UNC5C: variants seen among roughly 807,000 people sequenced by gnomAD.
UNC5C encodes the protein unc-5 netrin receptor C.
A neutral mutation model predicts 99.8 loss-of-function variants in UNC5C; 47 were observed. The observed-to-expected ratio is 0.47, with a 90% CI of 0.37 to 0.60. UNC5C has a LOEUF of 0.60. UNC5C is among the 20% of genes least tolerant of loss of function. UNC5C has a pLI of 0.00. For synonymous variants in UNC5C, 487 were observed against 452.2 expected (o/e 1.08, Z -0.98); for missense variants, 1,062 against 1,165.9 (o/e 0.91, Z 1.30).
intron 1 of UNC5C, among the ~76,000 whole-genome samples, chr4:95,386,614 T>A (rs995086788): frequency 1.3e-5 from 2 of 152,178 alleles, no homozygotes; most frequent in Admixed American, 1.3e-4. Flanking sequence ...ATCCAATGCT[T>A]GTTTAATCCT....
At chr4:95,286,084 T>C (rs949294982) in intron 3 of UNC5C, among the ~76,000 whole-genome samples, 1 of 152,206 alleles carries the variant, frequency 6.6e-6, no homozygotes, top group East Asian at 1.9e-4. Flanking sequence ...TCTAAGCACA[T>C]GCCTAGCATA....
intron 1 of UNC5C, among the ~76,000 whole-genome samples, chr4:95,492,678 T>C (rs1478844285): frequency 6.6e-6 from 1 of 151,546 alleles, no homozygotes; most frequent in Non-Finnish European, 1.5e-5. Flanking sequence ...TCACCTTTAA[T>C]GGAGATTAAG....
chr4:95,309,090 A>T (rs1034530841), intron 2 of UNC5C, among the ~76,000 whole-genome samples: 1 of 152,144 alleles, frequency 6.6e-6, no homozygotes, highest in East Asian at 1.9e-4. Flanking sequence ...AGACACACAG[A>T]CCAATGGAAC....
Position 95,245,164 on chromosome 4 carries a change from A to G in UNC5C, c.776-20T>C, listed in dbSNP as rs1294326701. ...CGTTGACTGAAAGGAGGCAAACAGT[A>G]AAAAGTGGATTAAACATGTGTGCAT... On this transcript the variant is annotated intron_variant, in intron 5 of 15. Transcript: ENST00000453304. 6.2e-7 allele frequency: 1 copy of G among 1,606,682 alleles called. No individual in the cohort carries two copies. The highest frequency in any genetic ancestry group is 8.5e-7 in the Non-Finnish European group (1 of 1,177,570).
At chr4:95,352,247 T>C (rs1427248168) in intron 1 of UNC5C, among the ~76,000 whole-genome samples, 1 of 152,164 alleles carries the variant, frequency 6.6e-6, no homozygotes, top group Non-Finnish European at 1.5e-5. Context: ...TTCAAGGCCA[T>C]GCTCCAGACA....
At chr4:95,357,287 C>T (rs900777097) in intron 1 of UNC5C, among the ~76,000 whole-genome samples, 28 of 152,060 alleles carry the variant, frequency 1.8e-4, no homozygotes, top group African/African-American at 6.5e-4. Context: ...CAGGCATGTG[C>T]CACTGCACCC....
At chr4:95,295,883 G>A (rs1324729044) in intron 3 of UNC5C, among the ~76,000 whole-genome samples, 3 of 152,098 alleles carry the variant, frequency 2.0e-5, no homozygotes, top group African/African-American at 2.4e-5. Flanking sequence ...TCACCAGTTC[G>A]AGACCAGCCT....
At chr4:95,448,781 G>A (rs1560837126) in intron 1 of UNC5C, among the ~76,000 whole-genome samples, 1 of 152,154 alleles carries the variant, frequency 6.6e-6, no homozygotes, top group South Asian at 2.1e-4. Flanking sequence ...TCTAAGTAAT[G>A]GATACACTCT....
intron 2 of UNC5C, among the ~76,000 whole-genome samples, chr4:95,308,527 C>T (rs1742142593): frequency 2.0e-5 from 3 of 151,566 alleles, no homozygotes; most frequent in Admixed American, 1.3e-4. Flanking sequence ...CTGAGGCGGG[C>T]AGATCACCTG....
intron 14 of UNC5C, among the ~76,000 whole-genome samples, chr4:95,178,958 T>TTACA (rs1421326753): frequency 6.6e-6 from 1 of 152,226 alleles, no homozygotes; most frequent in East Asian, 1.9e-4. Flanking sequence ...GTTTATACAT[T>TTACA]TACATTTCAT....
At chr4:95,332,045 A>G (rs58661242) in intron 2 of UNC5C, among the ~76,000 whole-genome samples, 58,894 of 151,460 alleles carry the variant, frequency 0.39, 13,278 homozygotes, top group East Asian at 0.83. Context: ...GGAGAACTAC[A>G]AACCACTGCT....
At chr4:95,487,003 C>T (rs920557459) in intron 1 of UNC5C, among the ~76,000 whole-genome samples, 1 of 151,668 alleles carries the variant, frequency 6.6e-6, no homozygotes, top group Non-Finnish European at 1.5e-5. Context: ...TGCTCTTTCT[C>T]GCTCACTCTT....
intron 4 of UNC5C, among the ~76,000 whole-genome samples, chr4:95,274,598 C>T (rs1266819122): frequency 6.6e-6 from 1 of 152,132 alleles, no homozygotes; most frequent in Non-Finnish European, 1.5e-5. Flanking sequence ...CTTTGTCACA[C>T]TCTTTCCCTG....
intron 14 of UNC5C, among the ~76,000 whole-genome samples, chr4:95,172,568 C>T (rs1315222563): frequency 6.6e-6 from 1 of 151,754 alleles, no homozygotes; most frequent in African/African-American, 2.4e-5. Context: ...GGCGTTATTT[C>T]TGAGGGCTCT....
At chr4:95,301,901 G>T (rs918793326) in intron 2 of UNC5C, 152 bp from the exon 3 acceptor site, 1 of 1,044,564 alleles carries the variant, frequency 9.6e-7, no homozygotes, top group Admixed American at 2.8e-5. Context: ...CTTTCTTCTC[G>T]TTCCAGTTAT....
intron 1 of UNC5C, among the ~76,000 whole-genome samples, chr4:95,375,018 G>A (rs1473718319): frequency 6.6e-6 from 1 of 152,142 alleles, no homozygotes; most frequent in African/African-American, 2.4e-5. Flanking sequence ...ATAGGTTAGA[G>A]TAACATGTAG....
intron 4 of UNC5C, among the ~76,000 whole-genome samples, chr4:95,266,823 G>C (rs1392150338): frequency 2.6e-5 from 4 of 152,162 alleles, no homozygotes. Context: ...CAAAGACAGA[G>C]AAATATGGAT....
rs186275015 is a variant in UNC5C at position 95,377,403 on chromosome 4, A to C, written c.125-41772T>G. On this transcript the variant is annotated intron_variant, in intron 1 of 15. Transcript: ENST00000453304. Reference sequence around the variant, plus strand: ...GCTATAACATACTGTGGAGCAACAAAGAAACTAAATCCAGATAGAACCCTG... The same window carrying C: ...GCTATAACATACTGTGGAGCAACAACGAAACTAAATCCAGATAGAACCCTG... Among the ~76,000 whole-genome samples the C allele has an allele frequency of 2.2e-3, 341 of 152,342 alleles. 1 individual carries two copies. The highest frequency in any genetic ancestry group is 7.8e-3 in the African/African-American group (323 of 41,580).
intron 3 of UNC5C, among the ~76,000 whole-genome samples, chr4:95,293,052 C>A (rs2149400765): frequency 6.6e-6 from 1 of 152,230 alleles, no homozygotes; most frequent in African/African-American, 2.4e-5. Context: ...GATAGACAGA[C>A]CCCTCTATAG....
Sources: allele counts gnomAD v4.1 joint callset (sites outside exome capture counted in the v4.1 genomes callset), GRCh38; gene constraint gnomAD v4.1.1; transcripts MANE v1.5; gene names NCBI Gene and HGNC (gene_info 2026-07-23, HGNC 2026-07-21).